The following ANKH variants were observed in gnomAD, a reference collection of about 807,000 sequenced individuals.
ANKH encodes the protein mineralization regulator ANKH.
Under a neutral mutation model 49.0 loss-of-function variants are expected in ANKH, and 15 were observed. That is an observed-to-expected ratio of 0.31 (90% confidence interval 0.20 to 0.47). The LOEUF is 0.47. Ranked by LOEUF, ANKH falls within the 20% of genes least tolerant of loss-of-function variation. The pLI is 1.00. For missense variants in ANKH, 429 were observed against 652.0 expected (o/e 0.66, Z 3.72); for synonymous variants, 273 against 260.0 (o/e 1.05, Z -0.48).
At chr5:14,821,806 A>G (rs1381821637) in intron 1 of ANKH, among the ~76,000 whole-genome samples, 1 of 152,218 alleles carries the variant, frequency 6.6e-6, no homozygotes, top group African/African-American at 2.4e-5. Flanking sequence ...AAAAAAAGGA[A>G]TCCTTTACAT....
intron 1 of ANKH, among the ~76,000 whole-genome samples, chr5:14,821,450 G>A (rs186346650): frequency 1.3e-5 from 2 of 152,296 alleles, no homozygotes; most frequent in African/African-American, 2.4e-5. Flanking sequence ...ATTCCAGATC[G>A]GAGGGAGGAA....
chr5:14,791,641 A>G (rs1203113077), intron 1 of ANKH, among the ~76,000 whole-genome samples: 1 of 152,144 alleles, frequency 6.6e-6, no homozygotes, highest in African/African-American at 2.4e-5. Context: ...TTACTACTCA[A>G]TATTTATCCT....
In ANKH at chr5:14,755,900, G is replaced by C. The variant is rs866554190; in HGVS notation, c.477C>G (p.Phe159Leu). 1 of 1,614,102 alleles carries C rather than the reference G, an allele frequency of 6.2e-7. No homozygotes were observed. Among genetic ancestry groups the C allele is most frequent in the East Asian group, 2.2e-5 (1 of 44,876 alleles). Residue 159 changes from phenylalanine to leucine, a missense_variant, in exon 4 of 12, where the codon TTC becomes TTG. By Grantham distance (22) the Phe-to-Leu change is conservative. Coordinates refer to ENST00000284268, the MANE Select transcript of ANKH (RefSeq NM_054027.6). ...AGILLKHKYS[F>L]LVGCASISDV... ...CTGAGATTGAGGCACATCCCACCAGGAAACTGTATTTGTGTTTTAAGAGAA... is the reference window on the plus strand; with the variant it reads ...CTGAGATTGAGGCACATCCCACCAGCAAACTGTATTTGTGTTTTAAGAGAA...
At chr5:14,810,165 T>C (rs972583553) in intron 1 of ANKH, among the ~76,000 whole-genome samples, 3 of 151,726 alleles carry the variant, frequency 2.0e-5, no homozygotes, top group African/African-American at 7.3e-5. Flanking sequence ...ATTGACTTTT[T>C]TTTTTTTTTG....
chr5:14,716,238 A>G (rs2126413603), intron 9 of ANKH, among the ~76,000 whole-genome samples: 1 of 152,316 alleles, frequency 6.6e-6, no homozygotes. Flanking sequence ...GCAGTGGCTC[A>G]CGCCTGTAAT....
chr5:14,710,804 A>T lies in ANKH; in HGVS notation c.*393T>A. The stretch of plus-strand genomic sequence containing the variant: ...TGATTCTTAAGAGCGATGAAGGGGG[A>T]CAGGAGAGTCTGTGGCCTGCTGTGC... On this transcript the variant is annotated 3_prime_UTR_variant, in exon 12 of 12. Coordinates refer to ENST00000284268, the MANE Select transcript of ANKH (RefSeq NM_054027.6). The T allele has an allele frequency of 3.6e-6, 1 of 275,902 alleles. No homozygotes were observed. The highest frequency in any genetic ancestry group is 3.8e-5 in the South Asian group (1 of 26,456). 17.1% of individuals were successfully genotyped at this position (275,902 alleles called of 1,614,324 possible). A position where few individuals can be genotyped will look rare whatever the true frequency, so the allele number is the denominator to read the frequency against.
In ANKH at chr5:14,750,934, A is replaced by G. The variant is rs76161034; in HGVS notation, c.687+135T>C. The G allele has an allele frequency of 2.4e-3, 2,389 of 1,016,244 alleles. 34 individuals are homozygous for G. The African/African-American group carries it at 0.034, about 15-fold the overall frequency. The allele number at this position is 1,016,244 out of a possible 1,614,324, so 63.0% of individuals were successfully genotyped here. A position where few individuals can be genotyped will look rare whatever the true frequency, so the allele number is the denominator to read the frequency against. Reference sequence around the variant, plus strand: ...CTGTCTTTCCCTGCAGACATCTAGCACTTGGCCTCTGGGTATGACATCCTG... The same window carrying G: ...CTGTCTTTCCCTGCAGACATCTAGCGCTTGGCCTCTGGGTATGACATCCTG... On this transcript the variant is annotated intron_variant, in intron 5 of 11. Coordinates refer to ENST00000284268, the MANE Select transcript of ANKH (RefSeq NM_054027.6).
intron 1 of ANKH, among the ~76,000 whole-genome samples, chr5:14,855,097 T>G (rs1742218633): frequency 6.6e-6 from 1 of 152,160 alleles, no homozygotes; most frequent in African/African-American, 2.4e-5. Flanking sequence ...CCTGCTCCAC[T>G]CATACTAAGC....
At chr5:14,870,091 ACAGTGGCAAC>A (rs1478399114) in intron 1 of ANKH, 1 of 152,252 alleles carries the variant, frequency 6.6e-6, no homozygotes, top group African/African-American at 2.4e-5. Flanking sequence ...CTGGCAGGGC[ACAGTGGCAAC>A]GGAAGAGACA....
intron 7 of ANKH, among the ~76,000 whole-genome samples, chr5:14,744,944 G>T (rs1368875604): frequency 6.6e-6 from 1 of 152,150 alleles, no homozygotes; most frequent in Admixed American, 6.5e-5. Flanking sequence ...AGAGGGAGGG[G>T]CCAGCATTAC....
intron 4 of ANKH, among the ~76,000 whole-genome samples, chr5:14,751,581 A>T (rs956453818): frequency 6.6e-6 from 1 of 152,234 alleles, no homozygotes; most frequent in African/African-American, 2.4e-5. Flanking sequence ...GATTTACTGG[A>T]ACATATAACT....
In ANKH at chr5:14,770,009, C is replaced by G. The variant is rs1739385060; in HGVS notation, c.97-818G>C. ...TCCCACCCCGAAGACAAATCAGTAA[C>G]AGCAGACCAGTGGGAATGGATGTCC... On this transcript the variant is annotated intron_variant, in intron 1 of 11. Transcript: ENST00000284268. The surrounding 1 kb of genome is among the most constrained non-coding windows in gnomAD (Gnocchi z 4.1). Among the ~76,000 whole-genome samples, 1 of 152,194 alleles carries G rather than the reference C, an allele frequency of 6.6e-6. No homozygotes were observed. The highest frequency in any genetic ancestry group is 2.4e-5 in the African/African-American group (1 of 41,450).
At chr5:14,823,877 T>C (rs1580096444) in intron 1 of ANKH, among the ~76,000 whole-genome samples, 1 of 151,810 alleles carries the variant, frequency 6.6e-6, no homozygotes, top group South Asian at 2.1e-4. Flanking sequence ...TTGCAGTGAG[T>C]GGAGATCACG....
chr5:14,768,784 C>T, intron 2 of ANKH, 191 bp downstream of exon 2: 1 of 641,586 alleles, frequency 1.6e-6, no homozygotes. Context: ...AAAACTACAG[C>T]TCCCCAGAAA....
At position 14,711,235 on chromosome 5, in the gene ANKH, C is replaced by G. The variant is rs768915073; in HGVS notation, c.1441G>C (p.Val481Leu). 2.5e-6 allele frequency: 4 copies of G among 1,614,162 alleles called. No homozygotes were observed. Among genetic ancestry groups the G allele is most frequent in the Non-Finnish European group, 2.5e-6 (3 of 1,180,016 alleles). The change falls in exon 12 of 12, where the codon GTG becomes CTG. Residue 481 changes from valine (V) to leucine (L), a missense_variant. This residue lies in a region of ANKH where 51 missense variants were observed against 36.7 expected (regional missense o/e 1.39). Coordinates refer to ENST00000284268, the MANE Select transcript of ANKH (RefSeq NM_054027.6). ...TCTCTCATTTCCACGATGTCTGTCA[C>G]CTCCTCTGTCGGAGGCATGTCTGTC... is the stretch of plus-strand genomic sequence containing the variant. ...AMTDMPPTEE[V>L]TDIVEMREEN...
rs111533022 is a variant in ANKH at position 14,711,947 on chromosome 5, C to T, written c.1366-637G>A. ...GGCAAGGACATTGTCCTCTGTCTGC[C>T]AACCCCGCTGGTCCCCCATCCACGG... is the stretch of plus-strand genomic sequence containing the variant. On this transcript the variant is annotated intron_variant, in intron 11 of 11. Transcript: ENST00000284268. Among the ~76,000 whole-genome samples the T allele has an allele frequency of 2.2e-3, 336 of 152,364 alleles. 3 individuals carry two copies. The highest frequency in any genetic ancestry group is 4.1e-3 in the Non-Finnish European group (277 of 68,040).
chr5:14,717,325 G>A (rs1737507809), intron 8 of ANKH, among the ~76,000 whole-genome samples: 4 of 152,260 alleles, frequency 2.6e-5, no homozygotes, highest in African/African-American at 7.2e-5. Context: ...GTAAGGATCA[G>A]CCTATGAACC....
chr5:14,713,657 C>T lies in ANKH; in HGVS notation c.1152G>A (p.Arg384=). 2 of 1,614,042 alleles carry T rather than the reference C, an allele frequency of 1.2e-6. No individual in the cohort carries two copies. Among genetic ancestry groups the T allele is most frequent in the Non-Finnish European group, 1.7e-6 (2 of 1,180,026 alleles). The change falls in exon 10 of 12, where the codon AGG becomes AGA. Residue 384 remains arginine (R), a synonymous_variant. Transcript: ENST00000284268. The surrounding 1 kb of genome is among the most constrained non-coding windows in gnomAD (Gnocchi z 4.4). ...TCATCAGCCACCCGGTGAGATGCGC[C>T]CTCACTGTGACTGTTGGGAGGAGCA... The part of the protein sequence containing the change: ...FSFFPVPVTV[R]AHLTGWLMTL...
At position 14,784,127 on chromosome 5, in the gene ANKH, T is replaced by TA. The variant is rs200847874; in HGVS notation, c.97-14937dup. Among the ~76,000 whole-genome samples the TA allele has an allele frequency of 6.1e-3, 935 of 152,362 alleles. 1 individual carries two copies. The highest frequency in any genetic ancestry group is 9.3e-3 in the Non-Finnish European group (636 of 68,038). On this transcript the variant is annotated intron_variant, in intron 1 of 11. Transcript: ENST00000284268. ...GAACCCATGAAGAATAACAACCTCT[T>TA]ACATAGGCGGTACTGCACATTCTTG... is the stretch of plus-strand genomic sequence containing the variant.
Sources: allele counts gnomAD v4.1 joint callset (sites outside exome capture counted in the v4.1 genomes callset), GRCh38; gene constraint gnomAD v4.1.1; regional missense constraint gnomAD v4.1.1; non-coding constraint Gnocchi (gnomAD v3.1); transcripts MANE v1.5; gene names NCBI Gene and HGNC (gene_info 2026-07-23, HGNC 2026-07-21).